Variants in FARP2 observed in about 807,000 individuals in gnomAD.
FARP2 encodes the protein FERM, ARH/RhoGEF and pleckstrin domain protein 2.
A neutral mutation model predicts 130.5 loss-of-function variants in FARP2; 111 were observed. The observed-to-expected ratio is 0.85, with a 90% confidence interval of 0.73 to 1.00. The LOEUF is 1.00. Among genes scored for constraint, FARP2 ranks in the 50% least tolerant of loss-of-function variants. The pLI is 0.00. For synonymous variants in FARP2, 504 were observed against 516.9 expected (o/e 0.98, Z 0.34); for missense variants, 1,385 against 1,346.3 (o/e 1.03, Z -0.45).
chr2:241,356,513 A>C (rs1053727943), intron 1 of FARP2, 125 bp downstream of exon 1: 7 of 152,424 alleles, frequency 4.6e-5, no homozygotes, highest in African/African-American at 1.7e-4. Context: ...TCCACCAGAG[A>C]TGGTCCCGCC....
intron 9 of FARP2, among the ~76,000 whole-genome samples, chr2:241,433,160 G>A (rs929549716): frequency 3.2e-4 from 49 of 151,862 alleles, no homozygotes; most frequent in Admixed American, 2.8e-3. Context: ...GCAGTTATTC[G>A]AGATGATAGG....
Position 241,417,811 on chromosome 2 carries a change from T to C in FARP2, c.624-151T>C. 5.0e-6 allele frequency: 4 copies of C among 794,930 alleles called. No homozygotes were observed. The South Asian group carries it at 7.1e-5, about 14-fold the overall frequency. The allele number at this position is 794,930 out of a possible 1,614,324, so 49.2% of individuals were successfully genotyped here. ...TGGCCTGCACGTGTGGTATGCTGTTTTTGTAGTGGGTAAACACAGACAGTG... is the reference window on the plus strand; with the variant it reads ...TGGCCTGCACGTGTGGTATGCTGTTCTTGTAGTGGGTAAACACAGACAGTG... On this transcript the variant is annotated intron_variant, in intron 7 of 26. Coordinates refer to ENST00000264042, the MANE Select transcript of FARP2 (RefSeq NM_014808.4).
intron 2 of FARP2, among the ~76,000 whole-genome samples, chr2:241,386,463 G>T (rs1416133483): frequency 6.6e-6 from 1 of 152,138 alleles, no homozygotes; most frequent in East Asian, 1.9e-4. Flanking sequence ...ACAGGAGGCC[G>T]GCTCAGATCT....
chr2:241,397,309 A>C (rs1575503218), intron 2 of FARP2, among the ~76,000 whole-genome samples: 1 of 152,306 alleles, frequency 6.6e-6, no homozygotes, highest in East Asian at 1.9e-4. Context: ...CATTGTGCAC[A>C]TGTACCCTAA....
intron 12 of FARP2, among the ~76,000 whole-genome samples, chr2:241,441,090 T>A (rs548290050): frequency 6.6e-6 from 1 of 152,304 alleles, no homozygotes; most frequent in South Asian, 2.1e-4. Context: ...AATGGAATTG[T>A]AAGGGTTTGT....
chr2:241,463,377 ACT>A lies in FARP2; in HGVS notation c.1723_1724del (p.Leu575AspfsTer13), dbSNP rs778092953. 9 of 1,613,896 alleles carry A rather than the reference ACT, an allele frequency of 5.6e-6. No homozygotes were observed. The Middle Eastern group carries it at 6.6e-4, about 118-fold the overall frequency. On this transcript the variant is annotated frameshift_variant, in exon 16 of 27. Coordinates refer to ENST00000264042, the MANE Select transcript of FARP2 (RefSeq NM_014808.4). LOFTEE classifies it high-confidence loss of function. ...GGTGAAGGAGGACGCCATGCCTGCG[ACT>A]CTGATGACGCTGCTCTTCTCCAACA... is the stretch of plus-strand genomic sequence containing the variant. ...AVVKEDAMPA[T>X]LMTLLFSNID... is the part of the protein sequence containing the mutation.
In FARP2 at chr2:241,491,819, T is replaced by G. The variant is rs1184314376; in HGVS notation, c.2787+140T>G. The stretch of plus-strand genomic sequence containing the variant: ...GGACTGCCTCTTACTCTCCCCTTGG[T>G]AGAAGTTGGTATGGAAAGTGCCCCT... On this transcript the variant is annotated intron_variant, in intron 24 of 26. Transcript: ENST00000264042. 4 of 770,264 alleles carry G rather than the reference T, an allele frequency of 5.2e-6. No homozygotes were observed. The African/African-American group carries it at 5.3e-5, about 10-fold the overall frequency. 47.7% of individuals were successfully genotyped at this position (770,264 alleles called of 1,614,324 possible). A position where few individuals can be genotyped will look rare whatever the true frequency, so the allele number is the denominator to read the frequency against.
At chr2:241,487,326 TG>T (rs1318216071) in intron 21 of FARP2, among the ~76,000 whole-genome samples, 1 of 152,192 alleles carries the variant, frequency 6.6e-6, no homozygotes, top group Admixed American at 6.5e-5. Context: ...CAACTTATGA[TG>T]GGGCTATGCC....
intron 13 of FARP2, chr2:241,456,298 T>C (rs2063835168): frequency 6.5e-6 from 1 of 153,430 alleles, no homozygotes; most frequent in African/African-American, 2.4e-5. Context: ...AAAATAGACA[T>C]TGTCTTTTCA....
At chr2:241,458,260 G>A (rs1015533590) in intron 14 of FARP2, among the ~76,000 whole-genome samples, 1 of 152,172 alleles carries the variant, frequency 6.6e-6, no homozygotes, top group African/African-American at 2.4e-5. Flanking sequence ...GCAGCTGGAT[G>A]GGAAGAGGCC....
At chr2:241,414,889 G>A (rs1356451981) in intron 7 of FARP2, among the ~76,000 whole-genome samples, 1 of 152,226 alleles carries the variant, frequency 6.6e-6, no homozygotes, top group Non-Finnish European at 1.5e-5. Context: ...AAGGGAGGGA[G>A]AAGGAAGCAG....
chr2:241,374,846 C>A (rs1289001521), intron 2 of FARP2, among the ~76,000 whole-genome samples: 1 of 152,204 alleles, frequency 6.6e-6, no homozygotes, highest in Non-Finnish European at 1.5e-5. Flanking sequence ...AGCTGGGCAA[C>A]CTTTGAACCC....
intron 10 of FARP2, 139 bp from the exon 11 acceptor site, chr2:241,434,823 G>C: frequency 1.6e-6 from 1 of 618,564 alleles, no homozygotes; most frequent in Non-Finnish European, 2.9e-6. Context: ...GCAATAGAGC[G>C]AGACTCAGTC....
At chr2:241,436,403 G>C (rs2063230979) in intron 11 of FARP2, 78 bp from the exon 12 acceptor site, 4 of 1,267,454 alleles carry the variant, frequency 3.2e-6, no homozygotes, top group Non-Finnish European at 4.6e-6. Context: ...CATGGATACA[G>C]TACATGCTTG....
chr2:241,471,632 G>A (rs1268357720), intron 18 of FARP2, among the ~76,000 whole-genome samples: 1 of 151,496 alleles, frequency 6.6e-6, no homozygotes, highest in Admixed American at 6.6e-5. Context: ...TAGCTGGGAC[G>A]ACAGGCGCCC....
At chr2:241,420,120 C>A (rs755260653) in intron 8 of FARP2, among the ~76,000 whole-genome samples, 2 of 152,234 alleles carry the variant, frequency 1.3e-5, no homozygotes, top group Non-Finnish European at 2.9e-5. Flanking sequence ...CACTGCACTG[C>A]AGCCTGGGCA....
At chr2:241,433,275 G>A (rs1473601076) in intron 9 of FARP2, among the ~76,000 whole-genome samples, 5 of 152,210 alleles carry the variant, frequency 3.3e-5, no homozygotes, top group Non-Finnish European at 1.5e-5. Context: ...ACCTAAGCAC[G>A]TTTTAAAGAC....
chr2:241,457,237 TCTTCCTTC>T (rs916324623), intron 14 of FARP2, among the ~76,000 whole-genome samples: 4 of 152,150 alleles, frequency 2.6e-5, no homozygotes, highest in African/African-American at 9.7e-5. Flanking sequence ...CCTCCCCCAC[TCTTCCTTC>T]CTTCCTTCCC....
chr2:241,441,089 G>A (rs529613990), intron 12 of FARP2, among the ~76,000 whole-genome samples: 2 of 152,240 alleles, frequency 1.3e-5, no homozygotes, highest in Admixed American at 6.5e-5. Context: ...AAATGGAATT[G>A]TAAGGGTTTG....
Sources: gnomAD v4.1 joint callset for allele counts (sites outside exome capture counted in the v4.1 genomes callset) on GRCh38, gnomAD v4.1.1 for gene constraint, MANE v1.5 for transcripts, NCBI Gene and HGNC (gene_info 2026-07-23, HGNC 2026-07-21) for gene names.